The following APPBP2 variants were observed in gnomAD, a reference collection of about 807,000 sequenced individuals.
The protein encoded by APPBP2 is amyloid protein-binding protein 2.
A neutral mutation model predicts 76.0 loss-of-function variants in APPBP2; 15 were observed. The ratio of observed to expected loss-of-function variants is 0.20; its 90% CI spans 0.13 to 0.30. The LOEUF is 0.30. APPBP2 is among the 10% of genes least tolerant of loss of function. APPBP2 has a pLI of 1.00. For synonymous variants in APPBP2, 222 were observed against 242.2 expected (o/e 0.92, Z 0.77); for missense variants, 401 against 687.2 (o/e 0.58, Z 4.66).
chr17:60,492,217 A>G (rs2090735694), intron 3 of APPBP2, among the ~76,000 whole-genome samples: 1 of 152,172 alleles, frequency 6.6e-6, no homozygotes, highest in African/African-American at 2.4e-5. Flanking sequence ...TTCAGAATGT[A>G]TGGGAACGCC....
chr17:60,495,405 C>G (rs1286153811), intron 2 of APPBP2, among the ~76,000 whole-genome samples: 1 of 151,196 alleles, frequency 6.6e-6, no homozygotes, highest in Admixed American at 6.6e-5. Flanking sequence ...CCCCTTTACA[C>G]CCAATAGAAT....
At chr17:60,499,393 T>C (rs1325335544) in intron 2 of APPBP2, among the ~76,000 whole-genome samples, 1 of 146,886 alleles carries the variant, frequency 6.8e-6, no homozygotes, top group Non-Finnish European at 1.5e-5. Flanking sequence ...GAAATAAGAG[T>C]TGGGTGCAGT....
intron 3 of APPBP2, among the ~76,000 whole-genome samples, chr17:60,488,150 TCA>T (rs1020396778): frequency 6.6e-6 from 1 of 152,180 alleles, no homozygotes; most frequent in African/African-American, 2.4e-5. Flanking sequence ...GGGAGGTGTC[TCA>T]CAGTTAGGCT....
rs1422797706 is a variant in APPBP2, at chr17:60,460,334, G to GA, written c.1061+328dup. ...CTGCCTCAGCCTCCAGAGAAGCTGG[G>GA]ACCACAGGCATGCACCAAAACGTCC... On this transcript the variant is annotated intron_variant, in intron 9 of 12. Transcript: ENST00000083182. The GA allele has an allele frequency of 1.5e-4, 25 of 164,078 alleles. No individual in the cohort carries two copies. In the East Asian group the frequency reaches 3.8e-3, roughly 25 times the overall value. The allele number at this position is 164,078 out of a possible 1,614,324, so 10.2% of individuals were successfully genotyped here.
chr17:60,512,832 T>TA (rs770075935), intron 1 of APPBP2, among the ~76,000 whole-genome samples: 1,555 of 29,570 alleles, frequency 0.053, 39 homozygotes, highest in African/African-American at 0.095. Flanking sequence ...AGACTCCATC[T>TA]AAAAAAAAAA....
intron 2 of APPBP2, among the ~76,000 whole-genome samples, chr17:60,496,806 C>T (rs1332953253): frequency 2.6e-5 from 4 of 152,174 alleles, no homozygotes; most frequent in East Asian, 1.9e-4. Context: ...CTGCAACCTC[C>T]GCCTCCCGGG....
intron 1 of APPBP2, among the ~76,000 whole-genome samples, chr17:60,501,103 C>T (rs1163636515): frequency 2.6e-5 from 4 of 152,010 alleles, no homozygotes; most frequent in African/African-American, 9.7e-5. Context: ...TTGCTTGAGG[C>T]CAGAGTTTGA....
chr17:60,488,553 G>A (rs879776326), intron 3 of APPBP2, among the ~76,000 whole-genome samples: 36 of 152,276 alleles, frequency 2.4e-4, no homozygotes, highest in Non-Finnish European at 2.5e-4. Flanking sequence ...TTTTTGGGGA[G>A]GAAATAATGT....
chr17:60,518,379 GTGTGT>G, intron 1 of APPBP2, among the ~76,000 whole-genome samples: 1 of 145,802 alleles, frequency 6.9e-6, no homozygotes, highest in African/African-American at 2.6e-5. Context: ...GTGTGTGTGT[GTGTGT>G]GTGTGTGTGT....
chr17:60,524,460 A>G (rs1013458231), intron 1 of APPBP2, among the ~76,000 whole-genome samples: 2 of 152,194 alleles, frequency 1.3e-5, no homozygotes, highest in Non-Finnish European at 2.9e-5. Flanking sequence ...TTAGGAAAAA[A>G]GGGAGCTTTT....
At chr17:60,451,759 A>T in intron 12 of APPBP2, 121 bp downstream of exon 12, 1 of 843,868 alleles carries the variant, frequency 1.2e-6, no homozygotes, top group African/African-American at 1.7e-5. Context: ...GATTACAGGT[A>T]TGAGCCACCG....
intron 1 of APPBP2, among the ~76,000 whole-genome samples, chr17:60,520,098 T>C (rs2143505360): frequency 6.6e-6 from 1 of 152,238 alleles, no homozygotes; most frequent in South Asian, 2.1e-4. Context: ...GTGTATTTTT[T>C]TAAATTCTCA....
In APPBP2 at chr17:60,443,722, A is replaced by T. The variant is rs1453155479; in HGVS notation, c.*3859T>A. The T allele has an allele frequency of 1.3e-5, 2 of 152,646 alleles. No homozygotes were observed. The highest frequency in any genetic ancestry group is 2.9e-5 in the Non-Finnish European group (2 of 68,044). 9.5% of individuals were successfully genotyped at this position (152,646 alleles called of 1,614,324 possible). On this transcript the variant is annotated 3_prime_UTR_variant, in exon 13 of 13. Transcript: ENST00000083182. ...AGTTTTCTAGATATCTATATATAGGATATATTTTTAATCTTAAATTTTACT... is the reference window on the plus strand; with the variant it reads ...AGTTTTCTAGATATCTATATATAGGTTATATTTTTAATCTTAAATTTTACT...
At chr17:60,500,088 T>C (rs1257069886) in intron 2 of APPBP2, among the ~76,000 whole-genome samples, 2 of 151,626 alleles carry the variant, frequency 1.3e-5, no homozygotes, top group East Asian at 3.9e-4. Context: ...CTTGGCTCAC[T>C]GCAAGCTCCG....
intron 3 of APPBP2, among the ~76,000 whole-genome samples, chr17:60,481,982 A>C (rs1176891178): frequency 6.6e-6 from 1 of 152,208 alleles, no homozygotes; most frequent in Non-Finnish European, 1.5e-5. Context: ...TCCTGGGTTC[A>C]AGTGATTCTC....
At chr17:60,459,310 T>C (rs1224060703) in intron 9 of APPBP2, among the ~76,000 whole-genome samples, 1 of 152,116 alleles carries the variant, frequency 6.6e-6, no homozygotes, top group Admixed American at 6.6e-5. Context: ...TTTTAATATT[T>C]TTCTGTTTGC....
rs1383832761 is a variant in APPBP2, at chr17:60,448,713, T to A, written c.1505-879A>T. On this transcript the variant is annotated intron_variant, in intron 12 of 12. Transcript: ENST00000083182. Reference sequence around the variant, plus strand: ...GAAAAAAGTAAAATACCAAAGAGTATCTATAGTATGCTATCTTTTGTGTAT... The same window carrying A: ...GAAAAAAGTAAAATACCAAAGAGTAACTATAGTATGCTATCTTTTGTGTAT... Among the ~76,000 whole-genome samples, 4 of 152,282 alleles carry A rather than the reference T, an allele frequency of 2.6e-5. No homozygotes were observed. In the East Asian group the frequency reaches 7.7e-4, roughly 29 times the overall value.
At chr17:60,513,056 C>G (rs1404017046) in intron 1 of APPBP2, 1 of 172,802 alleles carries the variant, frequency 5.8e-6, no homozygotes, top group Non-Finnish European at 1.2e-5. Context: ...GGTGCTATAA[C>G]AGGTTCCAGC....
rs561405085 is a variant in APPBP2, at chr17:60,445,592, T to C, written c.*1989A>G. The C allele has an allele frequency of 6.5e-6, 1 of 152,676 alleles. No individual in the cohort carries two copies. Among genetic ancestry groups the C allele is most frequent in the Admixed American group, 6.5e-5 (1 of 15,294 alleles). The allele number at this position is 152,676 out of a possible 1,614,324, so 9.5% of individuals were successfully genotyped here. ...TATCCTGAAAATATCTTTGGAGGTA[T>C]TAAATATATAGGCCCATGAGGATAG... is the stretch of plus-strand genomic sequence containing the variant. On this transcript the variant is annotated 3_prime_UTR_variant, in exon 13 of 13. Transcript: ENST00000083182.
Sources: allele counts gnomAD v4.1 joint callset (sites outside exome capture counted in the v4.1 genomes callset), GRCh38; gene constraint gnomAD v4.1.1; transcripts MANE v1.5; gene names NCBI Gene and HGNC (gene_info 2026-07-23, HGNC 2026-07-21).